CLDN15: variants seen among roughly 807,000 people sequenced by gnomAD.
The protein encoded by CLDN15 is claudin-15.
CLDN15 carries 9 observed loss-of-function variants against 24.5 expected under a neutral mutation model. The ratio of observed to expected loss-of-function variants is 0.37; its 90% CI spans 0.22 to 0.64. The LOEUF is 0.64. Ranked by LOEUF, CLDN15 falls within the 30% of genes least tolerant of loss-of-function variation. CLDN15 has a pLI of 0.63. For synonymous variants in CLDN15, 149 were observed against 131.4 expected, an observed-to-expected ratio of 1.13 and a Z score of -0.92; for missense variants, 248 against 305.9, an observed-to-expected ratio of 0.81 and a Z score of 1.41.
At chr7:101,234,250 C>T in intron 2 of CLDN15, 28 bp downstream of exon 2, 1 of 1,571,352 alleles carries the variant, frequency 6.4e-7, no homozygotes, top group Admixed American at 1.7e-5. Context: ...TGAGGGGGAC[C>T]CCCGCCCCAT....
chr7:101,238,266 G>A (rs887683500), upstream of CLDN15: 3 of 154,374 alleles, frequency 1.9e-5, no homozygotes, highest in African/African-American at 7.2e-5. Context: ...ACAGCTCTGG[G>A]CTCCATCCAG....
chr7:101,236,283 G>A (rs1798622227), intron 1 of CLDN15, among the ~76,000 whole-genome samples: 1 of 151,998 alleles, frequency 6.6e-6, no homozygotes, highest in Admixed American at 6.6e-5. Flanking sequence ...CGCCGGCCCT[G>A]CATACAGTCA....
chr7:101,234,322 T>C lies in CLDN15; in HGVS notation c.338A>G (p.Lys113Arg). Residue 113 changes from lysine (K) to arginine (R), a missense_variant, in exon 2 of 5, where the codon AAA becomes AGA. Coordinates refer to ENST00000308344, the MANE Select transcript of CLDN15 (RefSeq NM_014343.3). ...TNIGGLELSR[K>R]AKLAATAGAL... is the part of the protein sequence containing the mutation. Reference sequence around the variant, plus strand: ...CCCTGCGGTGGCCGCCAGCTTGGCTTTCCTGGAGAGCTCCAGGCCCCCAAT... The same window carrying C: ...CCCTGCGGTGGCCGCCAGCTTGGCTCTCCTGGAGAGCTCCAGGCCCCCAAT... 6.2e-7 allele frequency: 1 copy of C among 1,611,128 alleles called. No individual in the cohort carries two copies. The highest frequency in any genetic ancestry group is 2.2e-5 in the East Asian group (1 of 44,866).
rs1798660790 is a variant in CLDN15 at position 101,237,791 on chromosome 7, G to A, written c.-210C>T. On this transcript the variant is annotated 5_prime_UTR_variant, in exon 1 of 5. Transcript: ENST00000308344. This position sits in a 1 kb window ranked among gnomAD's most constrained non-coding sequence, Gnocchi z 4.0. ...CTGTGGGTCTCTCTGCTTCCTGGCA[G>A]GTCAGAGGAATGAGCTAAGCCTGCG... is the stretch of plus-strand genomic sequence containing the variant. 1 of 597,096 alleles carries A rather than the reference G, an allele frequency of 1.7e-6. No homozygotes were observed. Among genetic ancestry groups the A allele is most frequent in the Non-Finnish European group, 3.0e-6 (1 of 334,400 alleles). 37.0% of individuals were successfully genotyped at this position (597,096 alleles called of 1,614,324 possible).
chr7:101,233,945 CTG>C (rs1798571304), intron 2 of CLDN15: 2 of 471,918 alleles, frequency 4.2e-6, no homozygotes, highest in Non-Finnish European at 8.2e-6. Context: ...TGGACGTGCA[CTG>C]TGTGTGTGCG....
intron 2 of CLDN15, among the ~76,000 whole-genome samples, chr7:101,233,527 G>C (rs1209895567): frequency 2.6e-5 from 4 of 152,110 alleles, no homozygotes; most frequent in Non-Finnish European, 5.9e-5. Context: ...CATTGTTTTT[G>C]TTTTTTGCTG....
rs1485158356 is a variant in CLDN15 at position 101,234,377 on chromosome 7, G to A, written c.283C>T (p.Leu95=). Residue 95 remains leucine, a synonymous_variant, in exon 2 of 5, where the codon CTA becomes TTA. Transcript: ENST00000308344. ...AILLGFLGLL[L]GIAGLRCTNI... ...GTGCAGCGCAGGCCCGCTATGCCTA[G>A]CAAGAGGCCGAGGAAGCCCAGGAGG... is the stretch of plus-strand genomic sequence containing the variant. 6.2e-6 allele frequency: 10 copies of A among 1,612,616 alleles called. No individual in the cohort carries two copies. The highest frequency in any genetic ancestry group is 8.5e-6 in the Non-Finnish European group (10 of 1,179,036).
intron 1 of CLDN15, among the ~76,000 whole-genome samples, chr7:101,236,088 T>C (rs1392730894): frequency 6.6e-6 from 1 of 152,172 alleles, no homozygotes; most frequent in African/African-American, 2.4e-5. Context: ...CCATCTTTCA[T>C]GCAGTTGCCA....
chr7:101,233,916 GC>G, intron 2 of CLDN15: 1 of 397,826 alleles, frequency 2.5e-6, no homozygotes, highest in East Asian at 6.4e-5. Context: ...GAGCCACCAT[GC>G]CCCGTGGTAT....
rs1181351825 is a variant in CLDN15 at position 101,237,599 on chromosome 7, T to A, written c.-18A>T. 1 of 1,596,968 alleles carries A rather than the reference T, an allele frequency of 6.3e-7. No individual in the cohort carries two copies. Among genetic ancestry groups the A allele is most frequent in the Admixed American group, 1.7e-5 (1 of 59,806 alleles). The stretch of plus-strand genomic sequence containing the variant: ...ATCGACATGGTGGGATGCAGGACCC[T>A]GGGGGGCTGGTGCCCCAGAGAGGGG... On this transcript the variant is annotated 5_prime_UTR_variant, in exon 1 of 5. Coordinates refer to ENST00000308344, the MANE Select transcript of CLDN15 (RefSeq NM_014343.3). The surrounding 1 kb of genome is among the most constrained non-coding windows in gnomAD (Gnocchi z 4.0).
chr7:101,236,874 G>A (rs1218297349), intron 1 of CLDN15: 2 of 1,216,078 alleles, frequency 1.6e-6, no homozygotes, highest in African/African-American at 3.1e-5. Context: ...TGAGGCTGGG[G>A]AGTCTGTGGA....
chr7:101,233,591 C>T lies in CLDN15; in HGVS notation c.383-677G>A, dbSNP rs147864703. Among the ~76,000 whole-genome samples the T allele has an allele frequency of 1.2e-4, 17 of 145,418 alleles. No individual in the cohort carries two copies. The East Asian group carries it at 3.0e-3, about 25-fold the overall frequency. On this transcript the variant is annotated intron_variant, in intron 2 of 4. Transcript: ENST00000308344. ...TAGTCTGGAACTCCTGGGCTCAAGG[C>T]AGTTCTCCTGCCTTGGCCATTTTTT...
rs1456851970 is a variant in CLDN15 at position 101,232,732 on chromosome 7, GGCGGC to G, written c.465-17_465-13del. On this transcript the variant is annotated splice_polypyrimidine_tract_variant and intron_variant, in intron 3 of 4. Transcript: ENST00000308344. Reference sequence around the variant, plus strand: ...GGCCCAGCTCGTACCTGCGCACAAGGGCGGCGCGGGGGCGGGGGACAAGTGAGACG... The same window carrying G: ...GGCCCAGCTCGTACCTGCGCACAAGGGCGGGGGCGGGGGACAAGTGAGACG... 1 of 1,589,540 alleles carries G rather than the reference GGCGGC, an allele frequency of 6.3e-7. No individual in the cohort carries two copies. Among genetic ancestry groups the G allele is most frequent in the African/African-American group, 1.3e-5 (1 of 74,502 alleles).
rs542179104 is a variant in CLDN15, at chr7:101,237,254, G to A, written c.217+111C>T. Reference sequence around the variant, plus strand: ...CTCCTGGCTGCGGGAACTCAGACCCGCAGAGCTTAATTCAGGGCTCCCTGC... The same window carrying A: ...CTCCTGGCTGCGGGAACTCAGACCCACAGAGCTTAATTCAGGGCTCCCTGC... On this transcript the variant is annotated intron_variant, in intron 1 of 4. Coordinates refer to ENST00000308344, the MANE Select transcript of CLDN15 (RefSeq NM_014343.3). This position sits in a 1 kb window ranked among gnomAD's most constrained non-coding sequence, Gnocchi z 4.0. 2.8e-4 allele frequency: 213 copies of A among 766,888 alleles called. No homozygotes were observed. The East Asian group carries it at 5.3e-3, about 19-fold the overall frequency. The allele number at this position is 766,888 out of a possible 1,614,324, so 47.5% of individuals were successfully genotyped here. A position where few individuals can be genotyped will look rare whatever the true frequency, so the allele number is the denominator to read the frequency against.
intron 1 of CLDN15, among the ~76,000 whole-genome samples, chr7:101,236,252 GT>G (rs1020734426): frequency 1.9e-4 from 29 of 150,508 alleles, no homozygotes; most frequent in Non-Finnish European, 3.1e-4. Context: ...CTTTTATAGG[GT>G]TTTTTTTGGG....
rs923109339 is a variant in CLDN15, at chr7:101,236,765, C to T, written c.217+600G>A. ...CACACACCTGCACACACACCGCCTCCTTACAGCGGACGCTCAACCTGCAAC... is the reference window on the plus strand; with the variant it reads ...CACACACCTGCACACACACCGCCTCTTTACAGCGGACGCTCAACCTGCAAC... On this transcript the variant is annotated intron_variant, in intron 1 of 4. Transcript: ENST00000308344. The T allele has an allele frequency of 7.0e-6, 9 of 1,291,392 alleles. No individual in the cohort carries two copies. In the African/African-American group the frequency reaches 1.4e-4, roughly 20 times the overall value. 80.0% of individuals were successfully genotyped at this position (1,291,392 alleles called of 1,614,324 possible).
chr7:101,235,732 C>T (rs1339920416), intron 1 of CLDN15, among the ~76,000 whole-genome samples: 1 of 152,240 alleles, frequency 6.6e-6, no homozygotes, highest in East Asian at 1.9e-4. Flanking sequence ...CACTTTCTTC[C>T]TCCCAGCCAC....
At chr7:101,236,276 C>T (rs1247342466) in intron 1 of CLDN15, among the ~76,000 whole-genome samples, 3 of 152,074 alleles carry the variant, frequency 2.0e-5, no homozygotes, top group Non-Finnish European at 4.4e-5. Context: ...GGGGGCCCGC[C>T]GGCCCTGCAT....
intron 1 of CLDN15, chr7:101,236,873 G>A (rs1284618771): frequency 1.1e-5 from 13 of 1,213,740 alleles, no homozygotes; most frequent in Non-Finnish European, 1.3e-5. Flanking sequence ...GTGAGGCTGG[G>A]GAGTCTGTGG....
Sources: allele counts gnomAD v4.1 joint callset (sites outside exome capture counted in the v4.1 genomes callset), GRCh38; gene constraint gnomAD v4.1.1; non-coding constraint Gnocchi (gnomAD v3.1); transcripts MANE v1.5; gene names NCBI Gene and HGNC (gene_info 2026-07-23, HGNC 2026-07-21).